The following LRRC8C variants were observed in gnomAD, a reference collection of about 807,000 sequenced individuals.
LRRC8C encodes the protein leucine rich repeat containing 8 VRAC subunit C.
Under a neutral mutation model 55.3 loss-of-function variants are expected in LRRC8C, and 20 were observed. The ratio of observed to expected loss-of-function variants is 0.36; its 90% CI spans 0.25 to 0.53. The LOEUF (loss-of-function observed/expected upper bound fraction) is 0.53. Ranked by LOEUF, LRRC8C falls within the 20% of genes least tolerant of loss-of-function variation. LRRC8C has a pLI of 0.92. For missense variants in LRRC8C, 659 were observed against 951.4 expected (o/e 0.69, Z 4.04); for synonymous variants, 376 against 360.7 (o/e 1.04, Z -0.48).
At chr1:89,708,896 G>T (rs377250917) in intron 2 of LRRC8C, among the ~76,000 whole-genome samples, 2 of 152,282 alleles carry the variant, frequency 1.3e-5, no homozygotes, top group South Asian at 4.1e-4. Context: ...TTCTTGTGAT[G>T]TGTTCCCTCA....
At chr1:89,677,164 TAGGTAGAAGTACTTTTGCC>T (rs141986794) in intron 1 of LRRC8C, among the ~76,000 whole-genome samples, 2,413 of 152,264 alleles carry the variant, frequency 0.016, 67 homozygotes, top group African/African-American at 0.055. Flanking sequence ...CTAAAATTGC[TAGGTAGAAGTACTTTTGCC>T]ACACCCACCA....
At chr1:89,675,105 GT>G (rs1472032620) in intron 1 of LRRC8C, among the ~76,000 whole-genome samples, 3 of 152,074 alleles carry the variant, frequency 2.0e-5, no homozygotes, top group Non-Finnish European at 4.4e-5. Context: ...TTATGGAAAG[GT>G]ATTTGAAAAA....
At position 89,714,226 on chromosome 1, in the gene LRRC8C, C is replaced by T. The variant is rs1373872135; in HGVS notation, c.1656C>T (p.Asn552=). ...TTAAAATTCTCTCTATCAAAAGCAA[C>T]GTTTCCAAAATCCCTCAGGCAGTGG... The part of the protein sequence containing the change: ...KSLKILSIKS[N]VSKIPQAVVD... Residue 552 remains asparagine, a synonymous_variant, in exon 3 of 3, where the codon AAC becomes AAT. Coordinates refer to ENST00000370454, the MANE Select transcript of LRRC8C (RefSeq NM_032270.5). The surrounding 1 kb of genome is among the most constrained non-coding windows in gnomAD (Gnocchi z 4.6). The T allele has an allele frequency of 8.1e-6, 13 of 1,613,962 alleles. No individual in the cohort carries two copies. The highest frequency in any genetic ancestry group is 6.7e-5 in the Admixed American group (4 of 60,000).
At chr1:89,697,668 G>T (rs752304464) in intron 2 of LRRC8C, among the ~76,000 whole-genome samples, 25 of 152,164 alleles carry the variant, frequency 1.6e-4, no homozygotes, top group Admixed American at 1.6e-3. Flanking sequence ...TTTCCACATA[G>T]ATCTTAAATT....
intron 2 of LRRC8C, among the ~76,000 whole-genome samples, chr1:89,691,052 A>G (rs1015960700): frequency 9.9e-5 from 15 of 152,202 alleles, no homozygotes; most frequent in Admixed American, 9.8e-4. Context: ...GGGGTGGACT[A>G]CTCAATTCAA....
rs115907610 is a variant in LRRC8C, at chr1:89,693,135, G to C, written c.138+6524G>C. On this transcript the variant is annotated intron_variant, in intron 2 of 2. Coordinates refer to ENST00000370454, the MANE Select transcript of LRRC8C (RefSeq NM_032270.5). ...CAAAGCCACCTACAAAAAAATCCTG[G>C]AAGATTTAACCCAATCACTAGGAGC... is the stretch of plus-strand genomic sequence containing the variant. Among the ~76,000 whole-genome samples the C allele has an allele frequency of 8.0e-3, 1,211 of 152,240 alleles. 13 individuals carry two copies. Among genetic ancestry groups the C allele is most frequent in the African/African-American group, 0.028 (1,170 of 41,540 alleles).
the LRRC8C span, among the ~76,000 whole-genome samples, chr1:89,619,424 CA>C: frequency 6.7e-6 from 1 of 149,486 alleles, no homozygotes; most frequent in African/African-American, 2.4e-5. Context: ...ATAAAAATAA[CA>C]ATTTATTTAC....
chr1:89,692,991 C>G (rs1300684057), intron 2 of LRRC8C, among the ~76,000 whole-genome samples: 1 of 152,122 alleles, frequency 6.6e-6, no homozygotes, highest in Non-Finnish European at 1.5e-5. Context: ...AAACCAGAAA[C>G]AGGAACTGGA....
rs886821059 is a variant in LRRC8C, at chr1:89,685,785, G to A, written c.-4-685G>A. On this transcript the variant is annotated intron_variant, in intron 1 of 2. Coordinates refer to ENST00000370454, the MANE Select transcript of LRRC8C (RefSeq NM_032270.5). ...GTCTCAGCGGAGAAAATTAGGATAA[G>A]TTTGGGGTTCACAGTGAAATGTGAG... Among the ~76,000 whole-genome samples the A allele has an allele frequency of 3.3e-5, 5 of 151,766 alleles. No individual in the cohort carries two copies. The South Asian group carries it at 6.3e-4, about 19-fold the overall frequency.
intron 2 of LRRC8C, among the ~76,000 whole-genome samples, chr1:89,712,118 A>C (rs1490060266): frequency 1.3e-5 from 2 of 151,986 alleles, no homozygotes; most frequent in East Asian, 3.8e-4. Flanking sequence ...GAGAATTGAT[A>C]ATTTTTTTTT....
chr1:89,619,193 A>C, the LRRC8C span, among the ~76,000 whole-genome samples: 2 of 152,186 alleles, frequency 1.3e-5, no homozygotes, highest in African/African-American at 2.4e-5. Context: ...CTATATCAGT[A>C]ACTAGGACAT....
chr1:89,710,677 A>C (rs1459240885), intron 2 of LRRC8C, among the ~76,000 whole-genome samples: 7 of 152,310 alleles, frequency 4.6e-5, no homozygotes, highest in African/African-American at 1.7e-4. Context: ...TATCTTCCCA[A>C]GACAGAACTT....
At chr1:89,638,588 T>G (rs1656360118) in intron 1 of LRRC8C, among the ~76,000 whole-genome samples, 1 of 151,496 alleles carries the variant, frequency 6.6e-6, no homozygotes, top group African/African-American at 2.4e-5. Context: ...ATCTATAAAT[T>G]TTTGTATGAA....
chr1:89,677,596 A>G (rs1657585354), intron 1 of LRRC8C, among the ~76,000 whole-genome samples: 1 of 152,210 alleles, frequency 6.6e-6, no homozygotes, highest in African/African-American at 2.4e-5. Context: ...GATTTGGTTA[A>G]AAGTTATAGT....
chr1:89,688,731 A>C (rs1469830625), intron 2 of LRRC8C, among the ~76,000 whole-genome samples: 2 of 152,240 alleles, frequency 1.3e-5, no homozygotes, highest in Non-Finnish European at 2.9e-5. Context: ...GAGACCTGAT[A>C]AAGGTCAAAT....
At chr1:89,688,034 T>C (rs986236501) in intron 2 of LRRC8C, among the ~76,000 whole-genome samples, 1 of 152,202 alleles carries the variant, frequency 6.6e-6, no homozygotes, top group Non-Finnish European at 1.5e-5. Flanking sequence ...ATTACTAGCC[T>C]CACTTACAAA....
chr1:89,713,690 C>T lies in LRRC8C; in HGVS notation c.1120C>T (p.Leu374Phe). The change falls in exon 3 of 3, where the codon CTT becomes TTT. Residue 374 changes from leucine (L) to phenylalanine (F), a missense_variant. Physicochemically the swap from Leu to Phe is conservative, Grantham distance 22. Around this residue, in one of 5 missense-constraint regions of LRRC8C, gnomAD observed 200 missense variants for 360.5 expected, o/e 0.55. Transcript: ENST00000370454. This position sits in a 1 kb window ranked among gnomAD's most constrained non-coding sequence, Gnocchi z 5.2. Reference protein sequence around the residue: ...PDVKNDFAFMLHMIDQYDPLY... With the variant: ...PDVKNDFAFMFHMIDQYDPLY... ...TGTGAAAAATGACTTTGCTTTTATG[C>T]TTCATATGATAGATCAGTATGACCC... 1 of 1,614,162 alleles carries T rather than the reference C, an allele frequency of 6.2e-7. No homozygotes were observed.
intron 1 of LRRC8C, among the ~76,000 whole-genome samples, chr1:89,671,752 C>A (rs1395520983): frequency 6.6e-6 from 1 of 152,138 alleles, no homozygotes; most frequent in Non-Finnish European, 1.5e-5. Context: ...TGGAGGATGA[C>A]CAAGTATAGG....
chr1:89,620,986 T>G, the LRRC8C span, among the ~76,000 whole-genome samples: 1 of 152,200 alleles, frequency 6.6e-6, no homozygotes. Context: ...TATCATACTA[T>G]TTGTCTTCGG....
Sources: gnomAD v4.1 joint callset for allele counts (sites outside exome capture counted in the v4.1 genomes callset) on GRCh38, gnomAD v4.1.1 for gene constraint, gnomAD v4.1.1 regional missense constraint, Gnocchi (gnomAD v3.1) non-coding constraint, MANE v1.5 for transcripts, NCBI Gene and HGNC (gene_info 2026-07-23, HGNC 2026-07-21) for gene names.